Variants in SLC10A7 observed in about 807,000 individuals in gnomAD.
The protein encoded by SLC10A7 is sodium/bile acid cotransporter 7.
Under a neutral mutation model 43.2 loss-of-function variants are expected in SLC10A7, and 29 were observed. That is an observed-to-expected ratio of 0.67 (90% CI 0.50 to 0.92). SLC10A7 has a LOEUF of 0.92. Ranked by LOEUF, SLC10A7 falls within the 40% of genes least tolerant of loss-of-function variation. SLC10A7 has a pLI of 0.00. For missense variants in SLC10A7, 295 were observed against 403.2 expected, an observed-to-expected ratio of 0.73 and a Z score of 2.30; for synonymous variants, 152 against 144.8, an observed-to-expected ratio of 1.05 and a Z score of -0.35.
intron 5 of SLC10A7, chr4:146,442,027 C>T (rs1730640597): frequency 3.1e-6 from 3 of 977,546 alleles, no homozygotes; most frequent in Non-Finnish European, 3.6e-6. Flanking sequence ...GAGTTATGCC[C>T]CAAAAAATAC....
chr4:146,504,257 C>T (rs951894309), intron 3 of SLC10A7, among the ~76,000 whole-genome samples: 2 of 152,056 alleles, frequency 1.3e-5, no homozygotes, highest in Admixed American at 6.6e-5. Flanking sequence ...CGGTGGCTCA[C>T]GCCTGTAATC....
Position 146,442,604 on chromosome 4 carries a change from G to A in SLC10A7, c.435+179C>T. On this transcript the variant is annotated intron_variant, in intron 5 of 11. Coordinates refer to ENST00000335472, the MANE Select transcript of SLC10A7 (RefSeq NM_001029998.6). ...CAAACCTCCAAAATATATTGTAAGA[G>A]AACATTTGCTTTATTCATTAACTAC... The A allele has an allele frequency of 6.2e-6, 9 of 1,446,444 alleles. No homozygotes were observed. In the South Asian group the frequency reaches 1.3e-4, roughly 21 times the overall value. 89.6% of individuals were successfully genotyped at this position (1,446,444 alleles called of 1,614,324 possible). A position where few individuals can be genotyped will look rare whatever the true frequency, so the allele number is the denominator to read the frequency against.
intron 1 of SLC10A7, among the ~76,000 whole-genome samples, chr4:146,519,266 AC>A (rs1313811576): frequency 1.4e-5 from 2 of 142,910 alleles, no homozygotes; most frequent in Non-Finnish European, 3.0e-5. Context: ...ATAATATATA[AC>A]ATATTATATA....
chr4:146,337,650 T>A (rs1386960254), intron 5 of SLC10A7, among the ~76,000 whole-genome samples: 1 of 152,014 alleles, frequency 6.6e-6, no homozygotes, highest in Admixed American at 6.6e-5. Flanking sequence ...CATTATCTAA[T>A]TTAAAATTCT....
chr4:146,454,696 C>G (rs1731903959), intron 4 of SLC10A7, among the ~76,000 whole-genome samples: 1 of 151,742 alleles, frequency 6.6e-6, no homozygotes, highest in Non-Finnish European at 1.5e-5. Context: ...CAATGCTGTG[C>G]ACATATTAGA....
chr4:146,329,554 C>T (rs1264066372), intron 5 of SLC10A7, among the ~76,000 whole-genome samples: 1 of 152,152 alleles, frequency 6.6e-6, no homozygotes, highest in Non-Finnish European at 1.5e-5. Flanking sequence ...GGAATTGAAC[C>T]TCCCCTTGAC....
intron 5 of SLC10A7, among the ~76,000 whole-genome samples, chr4:146,427,828 T>A (rs951766676): frequency 6.6e-6 from 1 of 152,182 alleles, no homozygotes; most frequent in African/African-American, 2.4e-5. Flanking sequence ...GAATGGCTTG[T>A]TAGCCTGTTC....
At chr4:146,304,478 T>C (rs1395148105) in intron 7 of SLC10A7, among the ~76,000 whole-genome samples, 2 of 152,166 alleles carry the variant, frequency 1.3e-5, no homozygotes, top group Non-Finnish European at 2.9e-5. Flanking sequence ...TCAAAGAACA[T>C]CTTTATTTCT....
chr4:146,353,840 C>T (rs1322883933), intron 5 of SLC10A7, among the ~76,000 whole-genome samples: 10 of 91,314 alleles, frequency 1.1e-4, no homozygotes, highest in African/African-American at 4.0e-4. Context: ...TTCAACAACC[C>T]TTCATGCTAA....
At chr4:146,346,218 T>A (rs1359951432) in intron 5 of SLC10A7, among the ~76,000 whole-genome samples, 1 of 152,142 alleles carries the variant, frequency 6.6e-6, no homozygotes, top group Non-Finnish European at 1.5e-5. Context: ...ATTGGGGAAC[T>A]GTGTGGAATA....
At chr4:146,521,553 C>T in intron 1 of SLC10A7, 65 bp downstream of exon 1, 1 of 1,415,830 alleles carries the variant, frequency 7.1e-7, no homozygotes, top group Non-Finnish European at 9.9e-7. Context: ...CCCCACCTTT[C>T]CAAGACTCAC....
chr4:146,325,844 A>G lies in SLC10A7; in HGVS notation c.471+117T>C, dbSNP rs530087788. The G allele has an allele frequency of 1.7e-5, 16 of 919,138 alleles. No individual in the cohort carries two copies. In the East Asian group the frequency reaches 4.3e-4, roughly 25 times the overall value. The allele number at this position is 919,138 out of a possible 1,614,324, so 56.9% of individuals were successfully genotyped here. ...TATGCGGTACAGCTAAACTGGAACA[A>G]CAATTCCAAATATGGTGCAAAATAA... On this transcript the variant is annotated intron_variant, in intron 6 of 11. Coordinates refer to ENST00000335472, the MANE Select transcript of SLC10A7 (RefSeq NM_001029998.6).
At chr4:146,361,189 A>C (rs1406203899) in intron 5 of SLC10A7, among the ~76,000 whole-genome samples, 1 of 152,156 alleles carries the variant, frequency 6.6e-6, no homozygotes, top group Non-Finnish European at 1.5e-5. Context: ...AGGGCAATCT[A>C]TCTTGCTTCT....
intron 7 of SLC10A7, 147 bp downstream of exon 7, chr4:146,305,779 C>G (rs1560782183): frequency 7.3e-6 from 5 of 682,874 alleles, no homozygotes; most frequent in Non-Finnish European, 7.3e-6. Flanking sequence ...GATGAGAATA[C>G]TGTGATTGAT....
chr4:146,429,380 T>C (rs1296725840), intron 5 of SLC10A7, among the ~76,000 whole-genome samples: 12 of 152,180 alleles, frequency 7.9e-5, no homozygotes, highest in Non-Finnish European at 4.4e-5. Context: ...ATTCATTGGG[T>C]GATTTCTGTC....
At chr4:146,262,729 C>T (rs911648923) in intron 10 of SLC10A7, among the ~76,000 whole-genome samples, 14 of 152,360 alleles carry the variant, frequency 9.2e-5, no homozygotes, top group African/African-American at 3.4e-4. Flanking sequence ...TGACCACTCA[C>T]ACCTCCATCC....
At chr4:146,476,173 T>C (rs1216676279) in intron 4 of SLC10A7, among the ~76,000 whole-genome samples, 2 of 152,002 alleles carry the variant, frequency 1.3e-5, no homozygotes, top group Admixed American at 1.3e-4. Flanking sequence ...ATGAGGAAGG[T>C]AGAGTAAGTA....
At chr4:146,304,588 A>G (rs1240202546) in intron 7 of SLC10A7, among the ~76,000 whole-genome samples, 9 of 152,134 alleles carry the variant, frequency 5.9e-5, no homozygotes, top group Admixed American at 5.9e-4. Flanking sequence ...CCTGAGTTCT[A>G]GTTTGATTGC....
intron 4 of SLC10A7, among the ~76,000 whole-genome samples, chr4:146,462,019 T>C (rs1181435578): frequency 6.6e-6 from 1 of 152,086 alleles, no homozygotes; most frequent in Non-Finnish European, 1.5e-5. Flanking sequence ...AGTTCTCATG[T>C]AAATTTTGTG....
Sources: gnomAD v4.1 joint callset for allele counts (sites outside exome capture counted in the v4.1 genomes callset) on GRCh38, gnomAD v4.1.1 for gene constraint, MANE v1.5 for transcripts, NCBI Gene and HGNC (gene_info 2026-07-23, HGNC 2026-07-21) for gene names.